PRKDC: variants seen among roughly 807,000 people sequenced by gnomAD.
PRKDC encodes the protein protein kinase, DNA-activated, catalytic subunit.
A neutral mutation model predicts 486.9 loss-of-function variants in PRKDC; 82 were observed. The observed-to-expected ratio is 0.17, with a 90% CI of 0.14 to 0.20. The LOEUF (loss-of-function observed/expected upper bound fraction) is 0.20. Among genes scored for constraint, PRKDC ranks in the 10% least tolerant of loss-of-function variants. The pLI is 1.00. For synonymous variants in PRKDC, 1,895 were observed against 1,837.0 expected (o/e 1.03, Z -0.81); for missense variants, 4,504 against 5,038.2 (o/e 0.89, Z 3.21).
chr8:47,783,500 GA>G (rs1240503377), intron 78 of PRKDC, among the ~76,000 whole-genome samples: 1 of 151,850 alleles, frequency 6.6e-6, no homozygotes, highest in Non-Finnish European at 1.5e-5. Flanking sequence ...TGAGGCAGGA[GA>G]ATCGTTTGAA....
intron 83 of PRKDC, among the ~76,000 whole-genome samples, chr8:47,778,110 A>C (rs577938004): frequency 2.2e-4 from 34 of 152,198 alleles, no homozygotes; most frequent in Non-Finnish European, 4.7e-4. Flanking sequence ...GCAGAGATTG[A>C]GAAGGATGAT....
rs753869811 is a variant in PRKDC, at chr8:47,828,152, T to A, written c.8577+16A>T. The A allele has an allele frequency of 1.2e-6, 2 of 1,603,734 alleles. No homozygotes were observed. Among genetic ancestry groups the A allele is most frequent in the African/African-American group, 1.3e-5 (1 of 74,544 alleles). ...AGCAAACAATGTATATTTGATGAAG[T>A]GTGTGCAGACTTTACCTGAATACAA... On this transcript the variant is annotated intron_variant, in intron 62 of 85. Coordinates refer to ENST00000314191, the MANE Select transcript of PRKDC (RefSeq NM_006904.7).
intron 21 of PRKDC, among the ~76,000 whole-genome samples, chr8:47,919,836 G>C (rs1242612981): frequency 3.3e-5 from 5 of 151,834 alleles, no homozygotes; most frequent in Non-Finnish European, 5.9e-5. Context: ...TGGGGAACAG[G>C]CCCCCAAATC....
At chr8:47,790,607 C>A (rs2086866637) in intron 74 of PRKDC, among the ~76,000 whole-genome samples, 1 of 152,154 alleles carries the variant, frequency 6.6e-6, no homozygotes, top group African/African-American at 2.4e-5. Context: ...AAAGCCAAAG[C>A]CACCCTGAGC....
At chr8:47,910,515 C>A (rs2089879858) in intron 25 of PRKDC, among the ~76,000 whole-genome samples, 1 of 152,214 alleles carries the variant, frequency 6.6e-6, no homozygotes, top group Non-Finnish European at 1.5e-5. Context: ...TCCCACTGAG[C>A]CATCTGTGCG....
chr8:47,892,830 T>C (rs147281073), intron 31 of PRKDC, among the ~76,000 whole-genome samples: 1 of 152,376 alleles, frequency 6.6e-6, no homozygotes, highest in African/African-American at 2.4e-5. Context: ...ATAAAACTGC[T>C]ACAGTATTCA....
intron 54 of PRKDC, among the ~76,000 whole-genome samples, chr8:47,848,284 A>G (rs541542242): frequency 6.6e-6 from 1 of 152,326 alleles, no homozygotes; most frequent in Admixed American, 6.5e-5. Flanking sequence ...GTACATATAT[A>G]CCATGGAATA....
At chr8:47,839,548 A>T (rs1231878210) in intron 55 of PRKDC, among the ~76,000 whole-genome samples, 1 of 152,184 alleles carries the variant, frequency 6.6e-6, no homozygotes. Context: ...TCATCTCCTT[A>T]GTCTTTGCAA....
At chr8:47,955,997 C>G in intron 3 of PRKDC, 49 bp from the exon 4 acceptor site, 1 of 1,353,568 alleles carries the variant, frequency 7.4e-7, no homozygotes, top group Non-Finnish European at 1.0e-6. Flanking sequence ...GATATAAAAA[C>G]TAAGACTCAG....
chr8:47,815,866 AG>A (rs777400290), intron 68 of PRKDC, among the ~76,000 whole-genome samples: 1 of 152,224 alleles, frequency 6.6e-6, no homozygotes, highest in Non-Finnish European at 1.5e-5. Flanking sequence ...TAGTTGCAAA[AG>A]AAAAGCAAAA....
chr8:47,837,090 T>C, intron 57 of PRKDC, 122 bp downstream of exon 57: 1 of 1,131,212 alleles, frequency 8.8e-7, no homozygotes, highest in Non-Finnish European at 1.2e-6. Flanking sequence ...GAGCCTTCCC[T>C]TTCCTTTTCA....
chr8:47,858,295 T>C (rs892592812), intron 48 of PRKDC, among the ~76,000 whole-genome samples: 1 of 151,740 alleles, frequency 6.6e-6, no homozygotes, highest in Admixed American at 6.6e-5. Context: ...GAGAGGTGAA[T>C]TTACATATGT....
chr8:47,930,158 A>G (rs754138266), intron 17 of PRKDC, 146 bp from the exon 18 acceptor site: 17 of 631,810 alleles, frequency 2.7e-5, no homozygotes, highest in African/African-American at 3.8e-5. Flanking sequence ...TCTATAATCC[A>G]TTTTTCTCTA....
chr8:47,950,260 G>GA (rs2090605410), intron 7 of PRKDC, among the ~76,000 whole-genome samples: 1 of 138,948 alleles, frequency 7.2e-6, no homozygotes, highest in East Asian at 2.2e-4. Context: ...TGACAAGAGT[G>GA]AAACTCTGTC....
At chr8:47,940,482 C>G (rs1328476645) in intron 10 of PRKDC, among the ~76,000 whole-genome samples, 1 of 152,160 alleles carries the variant, frequency 6.6e-6, no homozygotes, top group Non-Finnish European at 1.5e-5. Flanking sequence ...ACTTCCCAAT[C>G]CCCCTAAAGC....
intron 40 of PRKDC, among the ~76,000 whole-genome samples, chr8:47,877,470 A>G (rs1340658716): frequency 1.3e-5 from 2 of 152,258 alleles, no homozygotes; most frequent in African/African-American, 4.8e-5. Context: ...AAGAAAAATG[A>G]TAAAAGGCCA....
intron 70 of PRKDC, among the ~76,000 whole-genome samples, chr8:47,802,206 A>T (rs1351613426): frequency 6.6e-6 from 1 of 152,148 alleles, no homozygotes; most frequent in African/African-American, 2.4e-5. Context: ...ACTCCCCAGT[A>T]GCTGGGACTA....
At chr8:47,956,977 C>CAAAAA (rs2090713226) in intron 3 of PRKDC, among the ~76,000 whole-genome samples, 194 bp downstream of exon 3, 59 of 10,748 alleles carry the variant, frequency 5.5e-3, no homozygotes, top group East Asian at 0.022. Context: ...AACTCCTTCT[C>CAAAAA]CAAAAAAAAA....
At chr8:47,955,815 A>AT in intron 4 of PRKDC, 59 bp downstream of exon 4, 4 of 1,372,802 alleles carry the variant, frequency 2.9e-6, no homozygotes, top group Non-Finnish European at 4.0e-6. Flanking sequence ...CAAAACTCTG[A>AT]TTTTCTTTTA....
Sources: allele counts gnomAD v4.1 joint callset (sites outside exome capture counted in the v4.1 genomes callset), GRCh38; gene constraint gnomAD v4.1.1; transcripts MANE v1.5; gene names NCBI Gene and HGNC (gene_info 2026-07-23, HGNC 2026-07-21).